Variants in NAA35 observed in about 807,000 individuals in gnomAD.
NAA35 encodes N-alpha-acetyltransferase 35, NatC auxiliary subunit, also known as MAK10 homolog, amino-acid N-acetyltransferase subunit.
A neutral mutation model predicts 101.7 loss-of-function variants in NAA35; 18 were observed. The ratio of observed to expected loss-of-function variants is 0.18; its 90% confidence interval spans 0.12 to 0.26. The LOEUF (loss-of-function observed/expected upper bound fraction) is 0.26. NAA35 is among the 10% of genes least tolerant of loss of function. NAA35 has a pLI of 1.00. For missense variants in NAA35, 601 were observed against 886.8 expected (o/e 0.68, Z 4.09); for synonymous variants, 267 against 273.1 (o/e 0.98, Z 0.22).
intron 11 of NAA35, among the ~76,000 whole-genome samples, chr9:85,992,780 TTGAA>T (rs1359453548): frequency 6.6e-6 from 1 of 152,202 alleles, no homozygotes; most frequent in East Asian, 1.9e-4. Flanking sequence ...TTTGTGAAAC[TTGAA>T]TGAAGTGTGA....
intron 11 of NAA35, 75 bp downstream of exon 11, chr9:85,978,456 A>C: frequency 1.1e-6 from 1 of 951,470 alleles, no homozygotes. Context: ...GCTTGTACTA[A>C]AGTTTTTTCA....
chr9:86,007,273 C>G (rs1475370592), intron 13 of NAA35, 85 bp from the exon 14 acceptor site: 8 of 937,912 alleles, frequency 8.5e-6, no homozygotes, highest in Non-Finnish European at 1.3e-5. Flanking sequence ...CTTGCGTAGT[C>G]TGTGGCATTT....
chr9:86,021,430 C>A (rs192206332), intron 22 of NAA35, among the ~76,000 whole-genome samples: 13 of 152,272 alleles, frequency 8.5e-5, no homozygotes, highest in African/African-American at 2.9e-4. Context: ...TGTGGAGAGG[C>A]CAGCCGCGGA....
At chr9:85,970,859 A>G (rs762142959) in intron 6 of NAA35, among the ~76,000 whole-genome samples, 4 of 152,194 alleles carry the variant, frequency 2.6e-5, no homozygotes, top group Admixed American at 2.6e-4. Flanking sequence ...ATCACGCTGA[A>G]GTGTTTAGAA....
chr9:85,962,624 G>A (rs1285247104), intron 6 of NAA35, among the ~76,000 whole-genome samples: 2 of 151,650 alleles, frequency 1.3e-5, no homozygotes, highest in Non-Finnish European at 2.9e-5. Flanking sequence ...GTTTTTAAAA[G>A]TAATGCTGTT....
At chr9:85,951,053 G>A (rs1005067313) in intron 2 of NAA35, among the ~76,000 whole-genome samples, 1 of 151,300 alleles carries the variant, frequency 6.6e-6, no homozygotes, top group African/African-American at 2.4e-5. Flanking sequence ...CAGGAGAATT[G>A]CTTAAACCCA....
At chr9:85,994,771 T>C (rs1831081988) in intron 11 of NAA35, among the ~76,000 whole-genome samples, 1 of 152,186 alleles carries the variant, frequency 6.6e-6, no homozygotes, top group African/African-American at 2.4e-5. Context: ...AGTTGGTTAA[T>C]GGGTGCAAAA....
intron 1 of NAA35, 71 bp downstream of exon 1, chr9:85,941,344 G>C: frequency 1.0e-6 from 1 of 985,586 alleles, no homozygotes; most frequent in Non-Finnish European, 1.2e-6. Context: ...CCCCCCGCGC[G>C]TGTGGCAGAT....
chr9:85,950,834 A>T (rs1480736268), intron 2 of NAA35, among the ~76,000 whole-genome samples: 1 of 152,184 alleles, frequency 6.6e-6, no homozygotes, highest in African/African-American at 2.4e-5. Context: ...TTTAAAAAAT[A>T]TCCATTTAAA....
At chr9:85,944,970 C>T (rs935452407) in intron 2 of NAA35, among the ~76,000 whole-genome samples, 1 of 152,204 alleles carries the variant, frequency 6.6e-6, no homozygotes, top group Non-Finnish European at 1.5e-5. Context: ...TAATTTTAGT[C>T]TTGCAGCTTT....
intron 2 of NAA35, among the ~76,000 whole-genome samples, chr9:85,953,401 C>G (rs2118307176): frequency 6.6e-6 from 1 of 152,138 alleles, no homozygotes; most frequent in East Asian, 1.9e-4. Flanking sequence ...TCTCCCCATT[C>G]TCTGGCAACC....
intron 11 of NAA35, among the ~76,000 whole-genome samples, chr9:85,993,211 C>A (rs944094980): frequency 6.6e-6 from 1 of 152,174 alleles, no homozygotes; most frequent in Non-Finnish European, 1.5e-5. Context: ...TTCACTCTGT[C>A]ACCCAGACTG....
chr9:85,942,106 T>G (rs1379924673), intron 1 of NAA35, 49 bp from the exon 2 acceptor site: 4 of 1,588,984 alleles, frequency 2.5e-6, no homozygotes, highest in Non-Finnish European at 2.6e-6. Flanking sequence ...GCAAATACTC[T>G]TGCCCTGAAA....
rs1830898596 is a variant in NAA35 at position 85,991,257 on chromosome 9, TA to T, written c.878-5140del. Among the ~76,000 whole-genome samples, 7 of 152,158 alleles carry T rather than the reference TA, an allele frequency of 4.6e-5. No homozygotes were observed. The South Asian group carries it at 1.5e-3, about 32-fold the overall frequency. On this transcript the variant is annotated intron_variant, in intron 11 of 22. Coordinates refer to ENST00000361671, the MANE Select transcript of NAA35 (RefSeq NM_024635.4). ...GAGTCCAGGCAGGGTAGGCTCATGT[TA>T]ATGGAGCCTGGCAGAGTAGGGTGGT... is the stretch of plus-strand genomic sequence containing the variant.
In NAA35 at chr9:86,018,247, T is replaced by A; in HGVS notation, c.1774-8T>A. The A allele has an allele frequency of 6.2e-7, 1 of 1,604,962 alleles. No homozygotes were observed. The highest frequency in any genetic ancestry group is 2.2e-5 in the East Asian group (1 of 44,656). On this transcript the variant is annotated splice_region_variant and splice_polypyrimidine_tract_variant and intron_variant, in intron 19 of 22. Coordinates refer to ENST00000361671, the MANE Select transcript of NAA35 (RefSeq NM_024635.4). ...TTCATCTTTTTTCTTATTCCCTTTT[T>A]CATTTAGACCATGGTAGCATTTGAC...
intron 2 of NAA35, among the ~76,000 whole-genome samples, chr9:85,955,190 C>T (rs1829187844): frequency 6.6e-6 from 1 of 151,532 alleles, no homozygotes; most frequent in Non-Finnish European, 1.5e-5. Context: ...TGTATTTTCA[C>T]ACATGATTCT....
chr9:85,955,713 A>T (rs1829248289), intron 2 of NAA35, among the ~76,000 whole-genome samples: 1 of 152,142 alleles, frequency 6.6e-6, no homozygotes, highest in Non-Finnish European at 1.5e-5. Flanking sequence ...TTTCTGACTT[A>T]CCTGCATATT....
intron 11 of NAA35, among the ~76,000 whole-genome samples, chr9:85,991,170 G>T (rs1830891766): frequency 6.6e-6 from 1 of 152,108 alleles, no homozygotes; most frequent in South Asian, 2.1e-4. Flanking sequence ...TCTATGGGAA[G>T]GCAGTCTAGT....
At chr9:85,958,681 G>A (rs1415896252) in intron 4 of NAA35, 95 bp downstream of exon 4, 9 of 737,692 alleles carry the variant, frequency 1.2e-5, no homozygotes, top group South Asian at 2.2e-5. Flanking sequence ...TTGTATTAAA[G>A]TCTGTTTCCT....
Sources: allele counts gnomAD v4.1 joint callset (sites outside exome capture counted in the v4.1 genomes callset), GRCh38; gene constraint gnomAD v4.1.1; transcripts MANE v1.5; gene names NCBI Gene and HGNC (gene_info 2026-07-23, HGNC 2026-07-21).